Variants in LSAMP observed in about 807,000 individuals in gnomAD.
The protein encoded by LSAMP is limbic system-associated membrane protein.
Under a neutral mutation model 38.6 loss-of-function variants are expected in LSAMP, and 7 were observed. The ratio of observed to expected loss-of-function variants is 0.18; its 90% CI spans 0.10 to 0.34. LSAMP has a LOEUF of 0.34. Ranked by LOEUF, LSAMP falls within the 10% of genes least tolerant of loss-of-function variation. LSAMP has a pLI of 1.00. For missense variants in LSAMP, 313 were observed against 420.0 expected (o/e 0.75, Z 2.23); for synonymous variants, 154 against 166.8 (o/e 0.92, Z 0.59).
rs1433628593 is a variant in LSAMP, at chr3:116,188,353, A to ACAACAT, written c.156-101798_156-101797insATGTTG. ...ATGCAGCTCTATTGATTAAAGGTCTAATTTGATACCCTACAACATATTTAT... is the reference window on the plus strand; with the variant it reads ...ATGCAGCTCTATTGATTAAAGGTCTACAACATATTTGATACCCTACAACATATTTAT... On this transcript the variant is annotated intron_variant, in intron 1 of 6. Transcript: ENST00000490035. Among the ~76,000 whole-genome samples the ACAACAT allele has an allele frequency of 2.0e-5, 3 of 152,274 alleles. No individual in the cohort carries two copies. In the East Asian group the frequency reaches 5.8e-4, roughly 29 times the overall value.
chr3:116,268,850 A>G (rs996843183), intron 1 of LSAMP, among the ~76,000 whole-genome samples: 1 of 152,070 alleles, frequency 6.6e-6, no homozygotes, highest in Non-Finnish European at 1.5e-5. Context: ...ATTTTCATGG[A>G]GAATAGAAAT....
chr3:116,272,207 T>C (rs2046983580), intron 1 of LSAMP, among the ~76,000 whole-genome samples: 2 of 152,132 alleles, frequency 1.3e-5, no homozygotes, highest in African/African-American at 4.8e-5. Context: ...ATAACACTTC[T>C]GCCCAGTGAT....
At chr3:116,227,498 G>T (rs565892041) in intron 1 of LSAMP, among the ~76,000 whole-genome samples, 1 of 152,288 alleles carries the variant, frequency 6.6e-6, no homozygotes, top group East Asian at 1.9e-4. Context: ...AAATCAATGA[G>T]TATAGCTTAC....
intron 1 of LSAMP, among the ~76,000 whole-genome samples, chr3:116,407,347 G>C (rs1197316589): frequency 6.6e-6 from 1 of 151,938 alleles, no homozygotes; most frequent in Admixed American, 6.6e-5. Flanking sequence ...AAAATGTGAA[G>C]GTAATTAAAT....
At chr3:115,982,479 A>G (rs1394495551) in intron 3 of LSAMP, among the ~76,000 whole-genome samples, 2 of 152,152 alleles carry the variant, frequency 1.3e-5, no homozygotes, top group Non-Finnish European at 2.9e-5. Context: ...AAAAAGGGGA[A>G]ATCCTCAAAT....
At chr3:116,151,560 C>T (rs1413870045) in intron 1 of LSAMP, among the ~76,000 whole-genome samples, 1 of 152,016 alleles carries the variant, frequency 6.6e-6, no homozygotes, top group African/African-American at 2.4e-5. Flanking sequence ...TATTATGGCT[C>T]GTCCATGCAT....
intron 6 of LSAMP, among the ~76,000 whole-genome samples, chr3:115,839,255 TTCTTTCTTTCC>T (rs1559844597): frequency 1.3e-3 from 129 of 95,828 alleles, no homozygotes; most frequent in African/African-American, 4.8e-3. Context: ...CCTTCCTTCC[TTCTTTCTTTCC>T]TTCCTTCCTT....
chr3:116,356,280 T>C (rs1328142101), intron 1 of LSAMP, among the ~76,000 whole-genome samples: 1 of 152,176 alleles, frequency 6.6e-6, no homozygotes, highest in East Asian at 1.9e-4. Context: ...TGTAACAACA[T>C]GGATGGAACT....
chr3:115,987,700 T>C (rs894743040), intron 3 of LSAMP, among the ~76,000 whole-genome samples: 9 of 152,202 alleles, frequency 5.9e-5, no homozygotes, highest in Non-Finnish European at 1.2e-4. Context: ...TTCATGTATA[T>C]GCTACCAGAT....
intron 3 of LSAMP, among the ~76,000 whole-genome samples, chr3:115,921,275 C>T (rs1937375875): frequency 6.6e-6 from 1 of 151,900 alleles, no homozygotes; most frequent in African/African-American, 2.4e-5. Context: ...TTCATTTCTT[C>T]TTGTTGTTTT....
At chr3:116,049,019 T>C (rs1941343614) in intron 2 of LSAMP, among the ~76,000 whole-genome samples, 1 of 152,222 alleles carries the variant, frequency 6.6e-6, no homozygotes, top group Admixed American at 6.5e-5. Flanking sequence ...GCTGATACTA[T>C]AGAAGTTCAG....
intron 1 of LSAMP, among the ~76,000 whole-genome samples, chr3:116,107,098 C>G (rs1708485288): frequency 6.6e-6 from 1 of 151,804 alleles, no homozygotes; most frequent in Non-Finnish European, 1.5e-5. Context: ...GGGTGAGGAA[C>G]AGGAAAGAAG....
intron 3 of LSAMP, among the ~76,000 whole-genome samples, chr3:115,874,966 A>C (rs947962978): frequency 6.6e-6 from 1 of 152,158 alleles, no homozygotes; most frequent in Non-Finnish European, 1.5e-5. Flanking sequence ...TTTAATAAAA[A>C]TAGCTGTTAT....
At chr3:116,182,789 A>G (rs1293238673) in intron 1 of LSAMP, among the ~76,000 whole-genome samples, 3 of 151,770 alleles carry the variant, frequency 2.0e-5, no homozygotes, top group Non-Finnish European at 4.4e-5. Flanking sequence ...GGTAATGTAT[A>G]TTTTTGTACA....
intron 1 of LSAMP, among the ~76,000 whole-genome samples, chr3:116,170,285 C>G (rs998953696): frequency 6.6e-6 from 1 of 151,150 alleles, no homozygotes; most frequent in African/African-American, 2.5e-5. Context: ...ATAAGCCAAT[C>G]GGAGGAAGCC....
intron 1 of LSAMP, among the ~76,000 whole-genome samples, chr3:116,207,567 G>A (rs540244594): frequency 3.0e-4 from 46 of 151,538 alleles, no homozygotes; most frequent in African/African-American, 8.0e-4. Flanking sequence ...CATGTTTAGC[G>A]CTTCCTTCAG....
At chr3:115,898,681 T>C (rs902377257) in intron 3 of LSAMP, among the ~76,000 whole-genome samples, 2 of 151,700 alleles carry the variant, frequency 1.3e-5, no homozygotes, top group African/African-American at 4.8e-5. Context: ...GAGACTCACC[T>C]AGTACCCAGC....
chr3:116,096,888 C>T (rs760378635), intron 1 of LSAMP, among the ~76,000 whole-genome samples: 2 of 152,224 alleles, frequency 1.3e-5, no homozygotes, highest in Non-Finnish European at 2.9e-5. Flanking sequence ...CAAGAATCTA[C>T]AACTTTTTTC....
intron 3 of LSAMP, among the ~76,000 whole-genome samples, chr3:115,872,687 A>G (rs565453094): frequency 6.6e-6 from 1 of 152,320 alleles, no homozygotes; most frequent in East Asian, 1.9e-4. Flanking sequence ...ACTATGTGCT[A>G]AGAATTCTCA....
Sources: allele counts gnomAD v4.1 joint callset (sites outside exome capture counted in the v4.1 genomes callset), GRCh38; gene constraint gnomAD v4.1.1; transcripts MANE v1.5; gene names NCBI Gene and HGNC (gene_info 2026-07-23, HGNC 2026-07-21).